Variants in RTF1 observed in about 807,000 individuals in gnomAD.
The protein encoded by RTF1 is RNA polymerase-associated protein RTF1 homolog.
A neutral mutation model predicts 95.7 loss-of-function variants in RTF1; 10 were observed. The ratio of observed to expected loss-of-function variants is 0.10; its 90% CI spans 0.06 to 0.18. The LOEUF is 0.18. Among genes scored for constraint, RTF1 ranks in the 10% least tolerant of loss-of-function variants. RTF1 has a pLI of 1.00. For missense variants in RTF1, 458 were observed against 875.6 expected (o/e 0.52, Z 6.02); for synonymous variants, 305 against 311.8 (o/e 0.98, Z 0.23).
intron 16 of RTF1, 40 bp from the exon 17 acceptor site, chr15:41,480,174 A>C: frequency 7.6e-7 from 1 of 1,312,774 alleles, no homozygotes; most frequent in Non-Finnish European, 1.1e-6. Context: ...ATCCACTTGC[A>C]TTTATGCTCT....
chr15:41,450,462 G>C (rs1305237244), intron 2 of RTF1, among the ~76,000 whole-genome samples: 1 of 151,958 alleles, frequency 6.6e-6, no homozygotes, highest in Non-Finnish European at 1.5e-5. Context: ...GCATATGCCT[G>C]TAATCCCAGC....
chr15:41,417,218 G>A lies in RTF1; in HGVS notation c.103G>A (p.Gly35Arg). 7.9e-7 allele frequency: 1 copy of A among 1,259,964 alleles called. No individual in the cohort carries two copies. Among genetic ancestry groups the A allele is most frequent in the Non-Finnish European group, 1.0e-6 (1 of 996,462 alleles). 78.0% of individuals were successfully genotyped at this position (1,259,964 alleles called of 1,614,324 possible). Residue 35 changes from glycine to arginine, a missense_variant, in exon 1 of 18, where the codon GGG (glycine) becomes AGG (arginine). By Grantham distance (125) the Gly-to-Arg change is moderately radical (BLOSUM62 -2). This residue lies in a region of RTF1 where 81 missense variants were observed against 59.9 expected (regional missense o/e 1.35). Coordinates refer to ENST00000389629, the MANE Select transcript of RTF1 (RefSeq NM_015138.5). ...GGGGAGTCCGGGCGGCGGCCGGCGT[G>A]GGAGCCGGGGGACCACCATGGTAAA... is the stretch of plus-strand genomic sequence containing the variant. ...QEGSPGGGRRGSRGTTMVKKR... is the reference protein window; with the variant it reads ...QEGSPGGGRRRSRGTTMVKKR...
At chr15:41,432,749 C>G (rs1361397694) in intron 1 of RTF1, among the ~76,000 whole-genome samples, 1 of 151,238 alleles carries the variant, frequency 6.6e-6, no homozygotes, top group Non-Finnish European at 1.5e-5. Context: ...ACCAGCCTGG[C>G]TAATGTGGTG....
At chr15:41,454,720 C>G (rs893377549) in intron 3 of RTF1, among the ~76,000 whole-genome samples, 8 of 152,208 alleles carry the variant, frequency 5.3e-5, no homozygotes, top group Non-Finnish European at 1.2e-4. Context: ...GACACAATCA[C>G]TTATGGAGTA....
At chr15:41,457,294 G>C (rs192045718) in intron 3 of RTF1, among the ~76,000 whole-genome samples, 4,134 of 152,302 alleles carry the variant, frequency 0.027, 74 homozygotes, top group Middle Eastern at 0.082. Context: ...CCAGCACTGG[G>C]AGGCCGAGGT....
chr15:41,475,307 T>C (rs1217512347), intron 9 of RTF1, among the ~76,000 whole-genome samples: 1 of 152,220 alleles, frequency 6.6e-6, no homozygotes, highest in African/African-American at 2.4e-5. Flanking sequence ...AAATTGACTT[T>C]TGAAGCACTG....
intron 2 of RTF1, among the ~76,000 whole-genome samples, chr15:41,438,994 C>T (rs1449614597): frequency 2.1e-5 from 3 of 143,400 alleles, no homozygotes; most frequent in Admixed American, 7.1e-5. Flanking sequence ...AGCCTTATTG[C>T]AGAAGTGGTA....
At chr15:41,421,411 G>A (rs1197259036) in intron 1 of RTF1, among the ~76,000 whole-genome samples, 3 of 151,038 alleles carry the variant, frequency 2.0e-5, no homozygotes, top group East Asian at 2.0e-4. Context: ...AGCCGAGATC[G>A]TGCCATTGCA....
intron 1 of RTF1, among the ~76,000 whole-genome samples, chr15:41,432,266 C>T (rs1315424685): frequency 4.0e-5 from 6 of 149,782 alleles, no homozygotes; most frequent in African/African-American, 1.2e-4. Context: ...GGCACAATCT[C>T]GGCCCACTGC....
intron 8 of RTF1, among the ~76,000 whole-genome samples, chr15:41,471,933 C>T (rs1326247774): frequency 9.2e-5 from 14 of 152,054 alleles, no homozygotes; most frequent in Non-Finnish European, 2.9e-5. Context: ...GAGTCTCATT[C>T]TGTCACCCAG....
chr15:41,480,767 CT>C lies in RTF1; in HGVS notation c.*83del. The C allele has an allele frequency of 9.7e-7, 1 of 1,027,238 alleles. No homozygotes were observed. Among genetic ancestry groups the C allele is most frequent in the Non-Finnish European group, 1.5e-6 (1 of 656,422 alleles). 63.6% of individuals were successfully genotyped at this position (1,027,238 alleles called of 1,614,324 possible). On this transcript the variant is annotated 3_prime_UTR_variant, in exon 18 of 18. Transcript: ENST00000389629. ...TTCCTCCTTTCCTTTGATTTAGCCT[CT>C]TTGGGCTGGAGCAGCTGTTGAACTG... is the stretch of plus-strand genomic sequence containing the variant.
At chr15:41,421,634 GAA>G (rs79713633) in intron 1 of RTF1, among the ~76,000 whole-genome samples, 1 of 69,544 alleles carries the variant, frequency 1.4e-5, no homozygotes. Context: ...CTGTCCCAAA[GAA>G]AAAAAAAAAA....
chr15:41,477,120 G>C lies in RTF1; in HGVS notation c.1561-45G>C, dbSNP rs775939164. 1.9e-6 allele frequency: 3 copies of C among 1,613,638 alleles called. No individual in the cohort carries two copies. In the South Asian group the frequency reaches 3.3e-5, roughly 18 times the overall value. ...TAAGGGGATACTTGATATGGAGTCA[G>C]TTGTATGTAGCCAAGAACGAACTCA... On this transcript the variant is annotated intron_variant, in intron 12 of 17. Coordinates refer to ENST00000389629, the MANE Select transcript of RTF1 (RefSeq NM_015138.5).
chr15:41,455,797 A>T (rs1034880686), intron 3 of RTF1, among the ~76,000 whole-genome samples: 1 of 151,816 alleles, frequency 6.6e-6, no homozygotes, highest in African/African-American at 2.4e-5. Flanking sequence ...AAAAAGAATG[A>T]TATAATGGAC....
intron 14 of RTF1, 88 bp from the exon 15 acceptor site, chr15:41,478,460 C>G: frequency 2.1e-6 from 2 of 935,532 alleles, no homozygotes; most frequent in South Asian, 1.5e-5. Flanking sequence ...TTTTCAGTCC[C>G]GTGCAAAGAC....
In RTF1 at chr15:41,480,201, C is replaced by T; in HGVS notation, c.1915-13C>T. The T allele has an allele frequency of 6.4e-7, 1 of 1,558,458 alleles. No individual in the cohort carries two copies. The highest frequency in any genetic ancestry group is 8.9e-7 in the Non-Finnish European group (1 of 1,129,248). On this transcript the variant is annotated splice_polypyrimidine_tract_variant and intron_variant, in intron 16 of 17. Transcript: ENST00000389629. The stretch of plus-strand genomic sequence containing the variant: ...TTATGCTCTTACCATTAGCTTTCCT[C>T]TTCACATTCCAGGGTCAAGGCAAAG...
intron 2 of RTF1, among the ~76,000 whole-genome samples, chr15:41,447,100 G>A (rs1473300779): frequency 6.6e-6 from 1 of 152,108 alleles, no homozygotes; most frequent in Non-Finnish European, 1.5e-5. Context: ...ACCACGCCCA[G>A]CCCCAGCTGT....
At position 41,480,943 on chromosome 15, in the gene RTF1, T is replaced by C. The variant is rs538663775; in HGVS notation, c.*256T>C. The C allele has an allele frequency of 8.4e-6, 4 of 478,084 alleles. No individual in the cohort carries two copies. The highest frequency in any genetic ancestry group is 8.3e-5 in the South Asian group (3 of 36,080). The allele number at this position is 478,084 out of a possible 1,614,324, so 29.6% of individuals were successfully genotyped here. ...CTCTCTTGGGCTTTATCCATGTCTT[T>C]AGATTTGTGTTTGCCTTTTGTTTTT... On this transcript the variant is annotated 3_prime_UTR_variant, in exon 18 of 18. Transcript: ENST00000389629.
At chr15:41,478,781 T>C (rs567675735) in intron 15 of RTF1, 156 bp downstream of exon 15, 84 of 672,360 alleles carry the variant, frequency 1.2e-4, no homozygotes, top group Middle Eastern at 6.9e-4. Flanking sequence ...TTTTTTATCT[T>C]GCTATAGGAC....
Sources: allele counts gnomAD v4.1 joint callset (sites outside exome capture counted in the v4.1 genomes callset), GRCh38; gene constraint gnomAD v4.1.1; regional missense constraint gnomAD v4.1.1; transcripts MANE v1.5; gene names NCBI Gene and HGNC (gene_info 2026-07-23, HGNC 2026-07-21).